ETS1: variants seen among roughly 807,000 people sequenced by gnomAD.
The protein encoded by ETS1 is protein C-ets-1.
A neutral mutation model predicts 58.6 loss-of-function variants in ETS1; 15 were observed. That is an observed-to-expected ratio of 0.26 (90% CI 0.17 to 0.39). The LOEUF is 0.39. Ranked by LOEUF, ETS1 falls within the 10% of genes least tolerant of loss-of-function variation. The pLI, the probability that ETS1 is intolerant of heterozygous loss-of-function variation, is 1.00. For missense variants in ETS1, 417 were observed against 610.5 expected, an observed-to-expected ratio of 0.68 and a Z score of 3.34; for synonymous variants, 214 against 218.2, an observed-to-expected ratio of 0.98 and a Z score of 0.17.
At chr11:128,469,841 A>G (rs375606357) in intron 8 of ETS1, among the ~76,000 whole-genome samples, 3 of 152,086 alleles carry the variant, frequency 2.0e-5, no homozygotes, top group Admixed American at 6.6e-5. Flanking sequence ...TCTTTGCCCC[A>G]CCCTGACCCA....
At chr11:128,581,642 G>A (rs149452347) in intron 1 of ETS1, among the ~76,000 whole-genome samples, 1 of 152,314 alleles carries the variant, frequency 6.6e-6, no homozygotes, top group East Asian at 1.9e-4. Flanking sequence ...CATGGAATAA[G>A]AGATTGTTTT....
chr11:128,477,576 G>A (rs1862357048), intron 8 of ETS1, among the ~76,000 whole-genome samples: 1 of 152,130 alleles, frequency 6.6e-6, no homozygotes, highest in African/African-American at 2.4e-5. Flanking sequence ...CTCAGAGGGT[G>A]AGTCTGCAGT....
chr11:128,520,104 C>T (rs1308912985), intron 3 of ETS1, among the ~76,000 whole-genome samples: 5 of 152,162 alleles, frequency 3.3e-5, no homozygotes, highest in Non-Finnish European at 4.4e-5. Context: ...TTATAATGGA[C>T]GCTGACTGTA....
intron 7 of ETS1, among the ~76,000 whole-genome samples, chr11:128,481,239 GAGTTA>G (rs1285869538): frequency 6.6e-6 from 1 of 152,092 alleles, no homozygotes; most frequent in African/African-American, 2.4e-5. Context: ...GTTTATTAAA[GAGTTA>G]AGGTCCACAG....
At chr11:128,490,661 G>A in intron 3 of ETS1, 85 bp from the exon 4 acceptor site, 1 of 1,067,322 alleles carries the variant, frequency 9.4e-7, no homozygotes, top group Non-Finnish European at 1.4e-6. Flanking sequence ...CTGTAAGAAG[G>A]CAAGCTGAGA....
intron 1 of ETS1, among the ~76,000 whole-genome samples, chr11:128,574,492 A>G (rs1022578166): frequency 2.0e-5 from 3 of 152,174 alleles, no homozygotes; most frequent in Admixed American, 2.0e-4. Flanking sequence ...GGTGAAGATG[A>G]ATGGTAGGAA....
intron 3 of ETS1, among the ~76,000 whole-genome samples, chr11:128,501,597 C>T (rs1196794648): frequency 1.3e-5 from 2 of 152,204 alleles, no homozygotes; most frequent in Non-Finnish European, 2.9e-5. Flanking sequence ...CTTTCTGTGT[C>T]TTTCTCTATT....
intron 3 of ETS1, chr11:128,504,902 A>G (rs918556271): frequency 1.3e-5 from 2 of 152,102 alleles, no homozygotes; most frequent in African/African-American, 4.8e-5. Flanking sequence ...GATGCTATCC[A>G]CTCCTATTTC....
chr11:128,494,210 G>A (rs1862878351), intron 3 of ETS1, among the ~76,000 whole-genome samples: 1 of 152,206 alleles, frequency 6.6e-6, no homozygotes, highest in Non-Finnish European at 1.5e-5. Flanking sequence ...CCGGCCTGGA[G>A]AAACACTACG....
At position 128,573,088 on chromosome 11, in the gene ETS1, A is replaced by G; in HGVS notation, c.43T>C (p.Tyr15His). Residue 15 changes from tyrosine (Y) to histidine (H), a missense_variant, in exon 2 of 10, where the codon TAC (tyrosine) becomes CAC (histidine). By Grantham distance (83) the Tyr-to-His change is moderately conservative. Around this residue, in one of 4 missense-constraint regions of ETS1, gnomAD observed 90 missense variants for 90.3 expected, o/e 1.00. Transcript: ENST00000392668. ...VDSAGSSPVP[Y>H]SAPRPAVVRQ... is the part of the protein sequence containing the mutation. Reference sequence around the variant, plus strand: ...ACCACTGCAGGACGAGGCGCTGAGTAAGGGACGGGGCTGCTCCCAGCAGAA... The same window carrying G: ...ACCACTGCAGGACGAGGCGCTGAGTGAGGGACGGGGCTGCTCCCAGCAGAA... The G allele has an allele frequency of 1.2e-6, 2 of 1,604,106 alleles. No individual in the cohort carries two copies. The highest frequency in any genetic ancestry group is 1.7e-6 in the Non-Finnish European group (2 of 1,175,392).
intron 3 of ETS1, among the ~76,000 whole-genome samples, chr11:128,510,630 T>C (rs7939251): frequency 0.41 from 61,849 of 152,082 alleles, 13,095 homozygotes; most frequent in East Asian, 0.65. Context: ...AAGATTTTCC[T>C]GGCAAGCATT....
rs1218333537 is a variant in ETS1, at chr11:128,556,269, C to T, written c.214+22G>A. On this transcript the variant is annotated intron_variant, in intron 3 of 9. Coordinates refer to ENST00000392668, the MANE Select transcript of ETS1 (RefSeq NM_001143820.2). ...TGTCCTTCAACTCTATCCTCATTCC[C>T]AGCTTTTGTTTATGTTCCTACCTGA... The T allele has an allele frequency of 1.9e-6, 3 of 1,590,340 alleles. No homozygotes were observed. In the African/African-American group the frequency reaches 4.1e-5, roughly 22 times the overall value.
chr11:128,555,450 C>A (rs1273778134), intron 3 of ETS1, among the ~76,000 whole-genome samples: 1 of 152,156 alleles, frequency 6.6e-6, no homozygotes, highest in African/African-American at 2.4e-5. Flanking sequence ...AGAGTAATGA[C>A]ATTTTTATGC....
chr11:128,562,594 C>T (rs926817662), intron 2 of ETS1, among the ~76,000 whole-genome samples: 8 of 152,128 alleles, frequency 5.3e-5, no homozygotes, highest in Non-Finnish European at 1.2e-4. Context: ...GAGCCCACAG[C>T]CTGAATGCTC....
At chr11:128,522,262 G>C in intron 3 of ETS1, 3 of 1,155,298 alleles carry the variant, frequency 2.6e-6, no homozygotes, top group South Asian at 5.9e-5. Context: ...CCCGGCCCTC[G>C]CCCGCTCCCT....
At chr11:128,552,316 G>T (rs111574277) in intron 3 of ETS1, among the ~76,000 whole-genome samples, 11 of 152,204 alleles carry the variant, frequency 7.2e-5, no homozygotes, top group Admixed American at 2.0e-4. Context: ...CTGTGAATGT[G>T]GTTGAGTGAA....
At chr11:128,493,401 CAGGAA>C (rs750939293) in intron 3 of ETS1, among the ~76,000 whole-genome samples, 7 of 152,216 alleles carry the variant, frequency 4.6e-5, no homozygotes, top group Non-Finnish European at 8.8e-5. Flanking sequence ...TGTTCTCTCC[CAGGAA>C]AGCAGCTAGA....
At chr11:128,496,679 GAAA>G (rs1430100726) in intron 3 of ETS1, among the ~76,000 whole-genome samples, 1 of 152,200 alleles carries the variant, frequency 6.6e-6, no homozygotes, top group Non-Finnish European at 1.5e-5. Flanking sequence ...GAATCTCAAA[GAAA>G]GACAGTCTCT....
intron 5 of ETS1, among the ~76,000 whole-genome samples, chr11:128,487,601 T>C (rs1427588642): frequency 3.9e-5 from 6 of 152,048 alleles, no homozygotes; most frequent in Non-Finnish European, 8.8e-5. Context: ...TAGCTAGGCA[T>C]GGTGGCATGC....
Sources: gnomAD v4.1 joint callset for allele counts (sites outside exome capture counted in the v4.1 genomes callset) on GRCh38, gnomAD v4.1.1 for gene constraint, gnomAD v4.1.1 regional missense constraint, MANE v1.5 for transcripts, NCBI Gene and HGNC (gene_info 2026-07-23, HGNC 2026-07-21) for gene names.